RICTOR: variants seen among roughly 807,000 people sequenced by gnomAD.
RICTOR encodes the protein RPTOR independent companion of MTOR complex 2.
A neutral mutation model predicts 214.9 loss-of-function variants in RICTOR; 49 were observed. The ratio of observed to expected loss-of-function variants is 0.23; its 90% CI spans 0.18 to 0.29. The LOEUF is 0.29. RICTOR is among the 10% of genes least tolerant of loss of function. The pLI is 1.00. For missense variants in RICTOR, 1,625 were observed against 2,047.0 expected (o/e 0.79, Z 3.98); for synonymous variants, 717 against 711.3 (o/e 1.01, Z -0.13).
In RICTOR at chr5:38,944,603, C is replaced by T. The variant is rs775632595; in HGVS notation, c.4790-34G>A. ...ATTTCAGGGAGAAGTTAAATATTAT[C>T]TATGTCACAATAAAATGATTAAAAC... On this transcript the variant is annotated intron_variant, in intron 35 of 37. Transcript: ENST00000357387. 3 of 1,525,218 alleles carry T rather than the reference C, an allele frequency of 2.0e-6. No individual in the cohort carries two copies. In the East Asian group the frequency reaches 6.8e-5, roughly 35 times the overall value. The allele number at this position is 1,525,218 out of a possible 1,614,324, so 94.5% of individuals were successfully genotyped here.
intron 2 of RICTOR, among the ~76,000 whole-genome samples, chr5:39,028,996 A>C (rs1756071090): frequency 6.6e-6 from 1 of 152,210 alleles, no homozygotes; most frequent in Non-Finnish European, 1.5e-5. Flanking sequence ...CAGACACAAG[A>C]GTATATATTG....
intron 25 of RICTOR, among the ~76,000 whole-genome samples, chr5:38,956,332 C>A (rs115969107): frequency 0.016 from 2,407 of 152,164 alleles, 41 homozygotes; most frequent in South Asian, 0.081. Flanking sequence ...GGATTCCCCA[C>A]TATATATACA....
chr5:38,945,142 A>G (rs1748046956), intron 34 of RICTOR, 74 bp from the exon 35 acceptor site: 1 of 1,025,658 alleles, frequency 9.7e-7, no homozygotes, highest in African/African-American at 1.6e-5. Context: ...GCATGCTAAA[A>G]AGAAATAATA....
intron 7 of RICTOR, among the ~76,000 whole-genome samples, chr5:38,985,688 C>T (rs1053730346): frequency 6.6e-6 from 1 of 151,860 alleles, no homozygotes; most frequent in Non-Finnish European, 1.5e-5. Flanking sequence ...TGCCTTTGCA[C>T]CTACAATTCT....
chr5:38,940,483 G>A lies in RICTOR; in HGVS notation c.*1821C>T, dbSNP rs942384473. 3 of 232,724 alleles carry A rather than the reference G, an allele frequency of 1.3e-5. No individual in the cohort carries two copies. The highest frequency in any genetic ancestry group is 6.1e-5 in the East Asian group (1 of 16,414). The allele number at this position is 232,724 out of a possible 1,614,324, so 14.4% of individuals were successfully genotyped here. On this transcript the variant is annotated 3_prime_UTR_variant, in exon 38 of 38. Coordinates refer to ENST00000357387, the MANE Select transcript of RICTOR (RefSeq NM_152756.5). ...TTAGTTATCCAAGACCAAAGACCAC[G>A]ATGACAGGCAACGTTCTTAGAAGTA...
intron 6 of RICTOR, among the ~76,000 whole-genome samples, chr5:38,995,278 C>T (rs2548799): frequency 0.93 from 142,230 of 152,260 alleles, 66,814 homozygotes; most frequent in East Asian, 0.99. Flanking sequence ...TGGATGGAGC[C>T]GGAGGCCATT....
chr5:38,957,970 G>A (rs1749428611), intron 24 of RICTOR, among the ~76,000 whole-genome samples: 1 of 152,146 alleles, frequency 6.6e-6, no homozygotes, highest in African/African-American at 2.4e-5. Flanking sequence ...AGGCACGGGG[G>A]CTCACGCCTG....
intron 2 of RICTOR, among the ~76,000 whole-genome samples, chr5:39,060,886 C>G (rs1038385574): frequency 1.3e-5 from 2 of 151,832 alleles, no homozygotes; most frequent in Non-Finnish European, 2.9e-5. Context: ...GCTTCTGAAC[C>G]CCACCTCTCT....
chr5:39,019,200 T>C (rs1379092542), intron 3 of RICTOR, among the ~76,000 whole-genome samples: 2 of 152,110 alleles, frequency 1.3e-5, no homozygotes, highest in Non-Finnish European at 2.9e-5. Context: ...GGTAAAGCAG[T>C]AGGTGCCGAT....
chr5:38,991,727 T>C (rs756477563), intron 6 of RICTOR, among the ~76,000 whole-genome samples: 6 of 152,152 alleles, frequency 3.9e-5, no homozygotes, highest in Non-Finnish European at 8.8e-5. Flanking sequence ...AAATTTTGTA[T>C]GAATCTCACA....
Position 38,947,454 on chromosome 5 carries a change from A to G in RICTOR, c.4137-13T>C. Reference sequence around the variant, plus strand: ...GGCTTTCATGAACCTATAAAACCATAAAGAAACCACTTGCATTAGTTTCTT... The same window carrying G: ...GGCTTTCATGAACCTATAAAACCATGAAGAAACCACTTGCATTAGTTTCTT... On this transcript the variant is annotated splice_polypyrimidine_tract_variant and intron_variant, in intron 31 of 37. Coordinates refer to ENST00000357387, the MANE Select transcript of RICTOR (RefSeq NM_152756.5). 2 of 1,575,516 alleles carry G rather than the reference A, an allele frequency of 1.3e-6. No homozygotes were observed. Among genetic ancestry groups the G allele is most frequent in the Non-Finnish European group, 1.7e-6 (2 of 1,149,454 alleles).
intron 7 of RICTOR, among the ~76,000 whole-genome samples, chr5:38,990,704 G>GATATACAT (rs370197935): frequency 2.2e-5 from 1 of 45,234 alleles, no homozygotes; most frequent in Non-Finnish European, 4.7e-5. Flanking sequence ...ATATATATCA[G>GATATACAT]ATATGATATA....
At chr5:39,069,527 C>T (rs1307518315) in intron 2 of RICTOR, among the ~76,000 whole-genome samples, 1 of 152,144 alleles carries the variant, frequency 6.6e-6, no homozygotes, top group East Asian at 1.9e-4. Context: ...AGGGTAAAGA[C>T]AGTAAGTCTG....
intron 2 of RICTOR, among the ~76,000 whole-genome samples, chr5:39,061,124 G>A (rs1758511777): frequency 6.6e-6 from 1 of 151,990 alleles, no homozygotes; most frequent in Non-Finnish European, 1.5e-5. Context: ...GAACAATGCT[G>A]GACACATAAC....
chr5:38,986,829 G>A (rs748851605), intron 7 of RICTOR, among the ~76,000 whole-genome samples: 15 of 152,182 alleles, frequency 9.9e-5, no homozygotes, highest in Non-Finnish European at 1.9e-4. Flanking sequence ...TCCAGCTTTT[G>A]CTCATTCAGT....
intron 2 of RICTOR, among the ~76,000 whole-genome samples, chr5:39,039,095 C>T (rs1393580528): frequency 6.6e-6 from 1 of 152,176 alleles, no homozygotes; most frequent in East Asian, 1.9e-4. Flanking sequence ...ACCAAAACAG[C>T]ATGGTACTGG....
At chr5:39,038,669 A>T (rs950828766) in intron 2 of RICTOR, among the ~76,000 whole-genome samples, 17 of 152,250 alleles carry the variant, frequency 1.1e-4, no homozygotes, top group Non-Finnish European at 2.1e-4. Context: ...ATTCTTATAC[A>T]CCAATAACAG....
intron 24 of RICTOR, 134 bp downstream of exon 24, chr5:38,958,309 A>C (rs2150013669): frequency 1.6e-6 from 1 of 643,114 alleles, no homozygotes; most frequent in East Asian, 2.7e-5. Flanking sequence ...ACCCAAAATA[A>C]TGAAAAGACA....
chr5:39,049,086 G>A (rs972313917), intron 2 of RICTOR, among the ~76,000 whole-genome samples: 5 of 152,010 alleles, frequency 3.3e-5, no homozygotes, highest in African/African-American at 4.8e-5. Context: ...ACACCAAGGT[G>A]AGAATCTGAA....
Sources: gnomAD v4.1 joint callset for allele counts (sites outside exome capture counted in the v4.1 genomes callset) on GRCh38, gnomAD v4.1.1 for gene constraint, MANE v1.5 for transcripts, NCBI Gene and HGNC (gene_info 2026-07-23, HGNC 2026-07-21) for gene names.